The following CCDC51 variants were observed in gnomAD, a reference collection of about 807,000 sequenced individuals.
CCDC51 encodes the protein mitochondrial potassium channel.
CCDC51 carries 25 observed loss-of-function variants against 24.8 expected under a neutral mutation model. The ratio of observed to expected loss-of-function variants is 1.01; its 90% CI spans 0.73 to 1.41. CCDC51 has a LOEUF of 1.41. CCDC51 is among the 40% of genes most tolerant of loss of function. CCDC51 has a pLI of 0.00. For missense variants in CCDC51, 466 were observed against 519.1 expected (o/e 0.90, Z 0.99); for synonymous variants, 190 against 204.3 (o/e 0.93, Z 0.60).
In CCDC51 at chr3:48,434,976, C is replaced by A. The variant is rs2039305770; in HGVS notation, c.153G>T (p.Glu51Asp). 6.2e-7 allele frequency: 1 copy of A among 1,614,256 alleles called. No individual in the cohort carries two copies. The highest frequency in any genetic ancestry group is 8.5e-7 in the Non-Finnish European group (1 of 1,180,048). ...GGCGGTGGTGCAGCCCCAGGGCCAC[C>A]TCCTCAGGTCTTTTCTCTCCGGGCT... ...PSQPGEKRPEEVALGLHHRLP... is the reference protein window; with the variant it reads ...PSQPGEKRPEDVALGLHHRLP... Residue 51 changes from glutamate to aspartate, a missense_variant, in exon 2 of 4, where the codon GAG becomes GAT. Coordinates refer to ENST00000395694, the MANE Select transcript of CCDC51 (RefSeq NM_001256964.2).
intron 1 of CCDC51, among the ~76,000 whole-genome samples, chr3:48,436,055 G>A (rs991993104): frequency 6.6e-6 from 1 of 152,182 alleles, no homozygotes; most frequent in Admixed American, 6.5e-5. Flanking sequence ...GAGCCCAAGA[G>A]TGCCAGTGAC....
Position 48,433,076 on chromosome 3 carries a change from G to T in CCDC51, c.568C>A (p.His190Asn). The T allele has an allele frequency of 6.2e-7, 1 of 1,614,154 alleles. No individual in the cohort carries two copies. Among genetic ancestry groups the T allele is most frequent in the Non-Finnish European group, 8.5e-7 (1 of 1,180,034 alleles). The change falls in exon 4 of 4, where the codon CAT (histidine) becomes AAT (asparagine). Residue 190 changes from histidine to asparagine, a missense_variant. By Grantham distance (68) the His-to-Asn change is moderately conservative. Coordinates refer to ENST00000395694, the MANE Select transcript of CCDC51 (RefSeq NM_001256964.2). This position sits in a 1 kb window ranked among gnomAD's most constrained non-coding sequence, Gnocchi z 4.4. ...TCAGCCCTTGTGCGCTCCTTCTCAT[G>T]ACTTTCCCGCACAGCTGCAGAGAAG... ...SLFSAAVRES[H>N]EKERTRAERT...
upstream of CCDC51, chr3:48,440,674 C>T: frequency 6.4e-7 from 1 of 1,561,940 alleles, no homozygotes; most frequent in East Asian, 2.3e-5. Flanking sequence ...ACGCTATGAG[C>T]ACCTATTGGG....
chr3:48,433,160 TCTC>T lies in CCDC51; in HGVS notation c.481_483del (p.Glu161del), dbSNP rs756729135. The stretch of plus-strand genomic sequence containing the variant: ...CGCAGATAGGCTGTGCGAAGCCTCT[TCTC>T]CTCCTGCAGAAGCAAAGCCATGTTA... On this transcript the variant is annotated inframe_deletion, in exon 4 of 4. Coordinates refer to ENST00000395694, the MANE Select transcript of CCDC51 (RefSeq NM_001256964.2). This position sits in a 1 kb window ranked among gnomAD's most constrained non-coding sequence, Gnocchi z 4.4. 1.2e-4 allele frequency: 199 copies of T among 1,609,262 alleles called. No homozygotes were observed. Among genetic ancestry groups the T allele is most frequent in the South Asian group, 8.8e-5 (8 of 90,992 alleles).
At chr3:48,446,065 A>G in the CCDC51 span, among the ~76,000 whole-genome samples, 1 of 152,076 alleles carries the variant, frequency 6.6e-6, no homozygotes, top group Non-Finnish European at 1.5e-5. Flanking sequence ...CTTGTAGGAC[A>G]GCGCAGGTGC....
upstream of CCDC51, chr3:48,440,422 G>T (rs766241443): frequency 1.2e-6 from 2 of 1,612,534 alleles, no homozygotes; most frequent in East Asian, 4.5e-5. Context: ...AGAAGCCACT[G>T]AAACAGCCCA....
chr3:48,445,714 C>CT, the CCDC51 span, among the ~76,000 whole-genome samples: 2 of 152,220 alleles, frequency 1.3e-5, no homozygotes, highest in Non-Finnish European at 2.9e-5. Flanking sequence ...ATAGCACTCT[C>CT]TTTTTCATTT....
upstream of CCDC51, chr3:48,440,826 C>T (rs1047466696): frequency 3.3e-6 from 2 of 608,776 alleles, no homozygotes; most frequent in Admixed American, 3.0e-5. Flanking sequence ...GGTCTCCTGC[C>T]TCCCAGGCAG....
At position 48,433,257 on chromosome 3, in the gene CCDC51, T is replaced by A; in HGVS notation, c.478-91A>T. The A allele has an allele frequency of 8.0e-7, 1 of 1,253,096 alleles. No homozygotes were observed. The highest frequency in any genetic ancestry group is 1.1e-6 in the Non-Finnish European group (1 of 892,566). The allele number at this position is 1,253,096 out of a possible 1,614,324, so 77.6% of individuals were successfully genotyped here. On this transcript the variant is annotated intron_variant, in intron 3 of 3. Transcript: ENST00000395694. The surrounding 1 kb of genome is among the most constrained non-coding windows in gnomAD (Gnocchi z 4.4). ...AGCAGATGGCTCACTACCTTGTGCCTGGCAGAGTACATGTTCCATAGACCC... is the reference window on the plus strand; with the variant it reads ...AGCAGATGGCTCACTACCTTGTGCCAGGCAGAGTACATGTTCCATAGACCC...
chr3:48,440,287 G>A (rs371673403), upstream of CCDC51: 13 of 1,602,404 alleles, frequency 8.1e-6, no homozygotes, highest in South Asian at 1.1e-5. Flanking sequence ...GGGAAGCGGC[G>A]GCAGGCGCCA....
upstream of CCDC51, chr3:48,440,731 C>T (rs544083536): frequency 9.8e-5 from 103 of 1,052,500 alleles, 1 homozygote; most frequent in African/African-American, 1.4e-3. Context: ...ACTGCGAGGT[C>T]TCGTTTTCCG....
At chr3:48,434,703 G>GT (rs1367766702) in intron 2 of CCDC51, 114 bp downstream of exon 2, 2 of 968,618 alleles carry the variant, frequency 2.1e-6, no homozygotes, top group African/African-American at 3.3e-5. Context: ...AGGTTTCCAC[G>GT]TGAGAAATGA....
the CCDC51 span, among the ~76,000 whole-genome samples, chr3:48,446,051 T>G: frequency 6.6e-6 from 1 of 151,998 alleles, no homozygotes; most frequent in African/African-American, 2.4e-5. Context: ...CTAACTTGAC[T>G]CAACTTGTAG....
At position 48,432,854 on chromosome 3, in the gene CCDC51, T is replaced by C. The variant is rs1162153152; in HGVS notation, c.790A>G (p.Asn264Asp). The stretch of plus-strand genomic sequence containing the variant: ...AGGCCCCTCAGGTCCACCATGAGAT[T>C]GTGGAGGTCCCTCTGCTGGCGGGAG... ...SYSRQQRDLH[N>D]LMVDLRGLVH... is the part of the protein sequence containing the mutation. The change falls in exon 4 of 4, where the codon AAT becomes GAT. Residue 264 changes from asparagine to aspartate, a missense_variant. Physicochemically the swap from Asn to Asp is conservative, Grantham distance 23 (BLOSUM62 1). Coordinates refer to ENST00000395694, the MANE Select transcript of CCDC51 (RefSeq NM_001256964.2). 1.9e-6 allele frequency: 3 copies of C among 1,613,640 alleles called. No individual in the cohort carries two copies. The highest frequency in any genetic ancestry group is 2.5e-6 in the Non-Finnish European group (3 of 1,179,696).
intron 1 of CCDC51, among the ~76,000 whole-genome samples, chr3:48,438,431 A>C (rs1311600204): frequency 3.3e-5 from 5 of 152,050 alleles, no homozygotes; most frequent in African/African-American, 7.2e-5. Context: ...TCTGCCTGAA[A>C]ATCTAATGGG....
At chr3:48,442,277 AAAG>A (rs1320907363), upstream of CCDC51, among the ~76,000 whole-genome samples, 166 of 150,872 alleles carry the variant, frequency 1.1e-3, no homozygotes, top group African/African-American at 3.9e-3. Context: ...AAAAAAAAAA[AAAG>A]GTATCTTGCA....
At position 48,432,276 on chromosome 3, in the gene CCDC51, G is replaced by A. The variant is rs140717839; in HGVS notation, c.*132C>T. 6.4e-4 allele frequency: 650 copies of A among 1,016,144 alleles called. 6 individuals are homozygous for A. The African/African-American group carries it at 9.4e-3, about 15-fold the overall frequency. 62.9% of individuals were successfully genotyped at this position (1,016,144 alleles called of 1,614,324 possible). A position where few individuals can be genotyped will look rare whatever the true frequency, so the allele number is the denominator to read the frequency against. ...TACAAAGCGAAGCATGCCTGCTGGT[G>A]AGCCACACAGATACTGCTCCTTCAG... On this transcript the variant is annotated 3_prime_UTR_variant, in exon 4 of 4. Transcript: ENST00000395694.
upstream of CCDC51, chr3:48,440,298 T>C: frequency 1.2e-6 from 2 of 1,606,528 alleles, no homozygotes; most frequent in Non-Finnish European, 1.7e-6. Flanking sequence ...GCAGGCGCCA[T>C]GTCCGGCCGC....
chr3:48,435,148 A>G lies in CCDC51; in HGVS notation c.-8-12T>C. 6.4e-7 allele frequency: 1 copy of G among 1,552,062 alleles called. No homozygotes were observed. The highest frequency in any genetic ancestry group is 8.7e-7 in the Non-Finnish European group (1 of 1,150,220). ...CATCATCCTGAGATCTGTGAGGGGG[A>G]CGCCAGACAGGTCAGCTCACAGCTG... is the stretch of plus-strand genomic sequence containing the variant. On this transcript the variant is annotated splice_polypyrimidine_tract_variant and intron_variant, in intron 1 of 3. Coordinates refer to ENST00000395694, the MANE Select transcript of CCDC51 (RefSeq NM_001256964.2). This position sits in a 1 kb window ranked among gnomAD's most constrained non-coding sequence, Gnocchi z 4.2.
Sources: allele counts gnomAD v4.1 joint callset (sites outside exome capture counted in the v4.1 genomes callset), GRCh38; gene constraint gnomAD v4.1.1; non-coding constraint Gnocchi (gnomAD v3.1); transcripts MANE v1.5; gene names NCBI Gene and HGNC (gene_info 2026-07-23, HGNC 2026-07-21).